Variants in LRMDA observed in about 807,000 individuals in gnomAD.
LRMDA encodes leucine-rich melanocyte differentiation-associated protein.
A neutral mutation model predicts 29.8 loss-of-function variants in LRMDA; 18 were observed. The observed-to-expected ratio is 0.60, with a 90% CI of 0.42 to 0.90. The LOEUF (loss-of-function observed/expected upper bound fraction) is 0.90. Among genes scored for constraint, LRMDA ranks in the 40% least tolerant of loss-of-function variants. The probability of loss-of-function intolerance (pLI) is 0.00; values close to 1 mark genes in which losing one functional copy is unlikely to be tolerated. For missense variants in LRMDA, 273 were observed against 273.9 expected (o/e 1.00, Z 0.02); for synonymous variants, 125 against 109.4 (o/e 1.14, Z -0.89).
chr10:76,017,283 A>G (rs1018500142), intron 2 of LRMDA, among the ~76,000 whole-genome samples: 2 of 152,202 alleles, frequency 1.3e-5, no homozygotes, highest in African/African-American at 2.4e-5. Context: ...GGCAGACGCC[A>G]TGTGAAGGCT....
At chr10:75,756,868 C>T (rs573372871) in intron 2 of LRMDA, among the ~76,000 whole-genome samples, 22 of 152,172 alleles carry the variant, frequency 1.4e-4, no homozygotes, top group Non-Finnish European at 2.6e-4. Flanking sequence ...TGTTGAATTG[C>T]CACATTACTG....
chr10:75,872,917 G>C (rs115497056), intron 2 of LRMDA, among the ~76,000 whole-genome samples: 452 of 152,176 alleles, frequency 3.0e-3, no homozygotes, highest in African/African-American at 0.011. Context: ...AGTGTATTCA[G>C]GGCAAGGCTG....
At chr10:75,787,772 G>A (rs1197385658) in intron 2 of LRMDA, among the ~76,000 whole-genome samples, 1 of 152,260 alleles carries the variant, frequency 6.6e-6, no homozygotes, top group African/African-American at 2.4e-5. Context: ...GCTTGCGCCT[G>A]TAATCCCAGC....
intron 5 of LRMDA, among the ~76,000 whole-genome samples, chr10:76,150,930 G>T (rs1344795651): frequency 6.6e-6 from 1 of 152,138 alleles, no homozygotes; most frequent in African/African-American, 2.4e-5. Context: ...AGCAACTGGG[G>T]TGGCTTTATT....
chr10:76,272,167 C>T (rs186678558), intron 5 of LRMDA, among the ~76,000 whole-genome samples: 5 of 152,338 alleles, frequency 3.3e-5, no homozygotes, highest in Admixed American at 3.3e-4. Flanking sequence ...ATGACAATCA[C>T]AGAGATGCCC....
At chr10:76,204,420 A>G (rs1188562066) in intron 5 of LRMDA, among the ~76,000 whole-genome samples, 3 of 152,174 alleles carry the variant, frequency 2.0e-5, no homozygotes, top group African/African-American at 7.2e-5. Context: ...CCATGTGCCC[A>G]TTCACCCACA....
intron 2 of LRMDA, among the ~76,000 whole-genome samples, chr10:75,443,766 T>G (rs748635983): frequency 1.9e-4 from 29 of 152,258 alleles, no homozygotes; most frequent in Non-Finnish European, 3.5e-4. Context: ...AGGATTGATG[T>G]TAATTCTTTA....
intron 2 of LRMDA, among the ~76,000 whole-genome samples, chr10:75,536,668 T>C (rs1839953426): frequency 6.6e-6 from 1 of 152,204 alleles, no homozygotes; most frequent in Non-Finnish European, 1.5e-5. Context: ...GGTTCTTGTC[T>C]CAGCCTCCCG....
chr10:75,431,624 A>G lies in LRMDA; in HGVS notation c.-101A>G. The G allele has an allele frequency of 9.7e-7, 1 of 1,032,826 alleles. No homozygotes were observed. The highest frequency in any genetic ancestry group is 1.2e-6 in the Non-Finnish European group (1 of 823,370). 64.0% of individuals were successfully genotyped at this position (1,032,826 alleles called of 1,614,324 possible). A position where few individuals can be genotyped will look rare whatever the true frequency, so the allele number is the denominator to read the frequency against. On this transcript the variant is annotated 5_prime_UTR_variant, in exon 1 of 7. Transcript: ENST00000611255. ...CTTCCGCCGGGTCAGCTGACTGCCC[A>G]GTGCGGAACTGTGCGCCCGCCGCGC...
chr10:75,828,159 A>G (rs1425208319), intron 2 of LRMDA, among the ~76,000 whole-genome samples: 5 of 152,300 alleles, frequency 3.3e-5, no homozygotes, highest in African/African-American at 9.6e-5. Context: ...TTGAGAGGAT[A>G]CTGCTCCCCA....
intron 2 of LRMDA, among the ~76,000 whole-genome samples, chr10:75,824,626 G>C (rs571221617): frequency 6.6e-6 from 1 of 152,296 alleles, no homozygotes; most frequent in African/African-American, 2.4e-5. Flanking sequence ...GGATTCTCCT[G>C]ACACTTTAGA....
chr10:75,888,520 G>C (rs538175136), intron 2 of LRMDA, among the ~76,000 whole-genome samples: 41 of 152,282 alleles, frequency 2.7e-4, no homozygotes, highest in African/African-American at 9.1e-4. Context: ...CTAAATTGCA[G>C]ACAAAACAAG....
intron 2 of LRMDA, among the ~76,000 whole-genome samples, chr10:75,764,967 G>GTGTGTT (rs1181356283): frequency 6.7e-6 from 1 of 148,596 alleles, no homozygotes; most frequent in Non-Finnish European, 1.5e-5. Flanking sequence ...GTGTGTGTGT[G>GTGTGTT]TTCATAGCAT....
intron 2 of LRMDA, among the ~76,000 whole-genome samples, chr10:75,899,659 C>A (rs1327264187): frequency 1.3e-5 from 2 of 152,188 alleles, no homozygotes; most frequent in Non-Finnish European, 2.9e-5. Context: ...TGGCCAACTA[C>A]AACCTCTTAG....
intron 5 of LRMDA, among the ~76,000 whole-genome samples, chr10:76,069,689 G>A (rs1367140702): frequency 6.6e-6 from 1 of 151,132 alleles, no homozygotes; most frequent in Non-Finnish European, 1.5e-5. Flanking sequence ...AAATTTAGAA[G>A]TGAGTCACCT....
At chr10:75,485,744 AT>A (rs1338543958) in intron 2 of LRMDA, among the ~76,000 whole-genome samples, 1 of 152,040 alleles carries the variant, frequency 6.6e-6, no homozygotes, top group Non-Finnish European at 1.5e-5. Context: ...TGCCTAGCTA[AT>A]TTTTGTATGT....
chr10:75,806,835 C>CA (rs1337078776), intron 2 of LRMDA, among the ~76,000 whole-genome samples: 1 of 148,372 alleles, frequency 6.7e-6, no homozygotes, highest in Non-Finnish European at 1.5e-5. Context: ...AAACCACACA[C>CA]AAAAAAACCT....
At chr10:75,580,756 A>G (rs373834217) in intron 2 of LRMDA, among the ~76,000 whole-genome samples, 1 of 152,246 alleles carries the variant, frequency 6.6e-6, no homozygotes. Context: ...GGCCTCAGAA[A>G]TAATGCAACA....
chr10:76,492,323 G>C (rs543434427), intron 6 of LRMDA, among the ~76,000 whole-genome samples: 1 of 152,052 alleles, frequency 6.6e-6, no homozygotes, highest in African/African-American at 2.4e-5. Flanking sequence ...TGGGCTTGTT[G>C]GTACCCATCC....
Sources: allele counts gnomAD v4.1 joint callset (sites outside exome capture counted in the v4.1 genomes callset), GRCh38; gene constraint gnomAD v4.1.1; transcripts MANE v1.5; gene names NCBI Gene and HGNC (gene_info 2026-07-23, HGNC 2026-07-21).